EPHB1: variants seen among roughly 807,000 people sequenced by gnomAD.
EPHB1 encodes ephrin type-B receptor 1.
A neutral mutation model predicts 94.4 loss-of-function variants in EPHB1; 30 were observed. That is an observed-to-expected ratio of 0.32 (90% CI 0.24 to 0.43). The LOEUF (loss-of-function observed/expected upper bound fraction) is 0.43. Among genes scored for constraint, EPHB1 ranks in the 20% least tolerant of loss-of-function variants. The pLI, the probability that EPHB1 is intolerant of heterozygous loss-of-function variation, is 1.00. For missense variants in EPHB1, 1,055 were observed against 1,308.3 expected, an observed-to-expected ratio of 0.81 and a Z score of 2.99; for synonymous variants, 522 against 489.1, an observed-to-expected ratio of 1.07 and a Z score of -0.89.
chr3:135,157,510 A>G (rs1941388523), intron 6 of EPHB1, among the ~76,000 whole-genome samples: 2 of 152,260 alleles, frequency 1.3e-5, no homozygotes, highest in African/African-American at 2.4e-5. Context: ...TGTACTAATT[A>G]TTAACAGACA....
chr3:134,922,969 G>C (rs2038717964), intron 1 of EPHB1, among the ~76,000 whole-genome samples: 1 of 152,196 alleles, frequency 6.6e-6, no homozygotes, highest in Non-Finnish European at 1.5e-5. Context: ...ATGGAGATGA[G>C]TTTCTACAGA....
chr3:135,165,989 G>A lies in EPHB1; in HGVS notation c.1607G>A (p.Arg536Lys). The A allele has an allele frequency of 6.2e-7, 1 of 1,613,946 alleles. No homozygotes were observed. The highest frequency in any genetic ancestry group is 8.5e-7 in the Non-Finnish European group (1 of 1,179,850). ...CTAGATGATTACAAGTCAGAGCTGA[G>A]GGAGCAGCTGCCCCTGATTGCTGGC... ...LTDDDYKSEL[R>K]EQLPLIAGSA... Residue 536 changes from arginine (R) to lysine (K), a missense_variant, in exon 8 of 16, where the codon AGG becomes AAG. Physicochemically the swap from Arg to Lys is conservative, Grantham distance 26. Transcript: ENST00000398015.
Position 135,166,982 on chromosome 3 carries a change from C to T in EPHB1, c.1735C>T (p.Leu579Phe). The T allele has an allele frequency of 6.2e-7, 1 of 1,614,162 alleles. No individual in the cohort carries two copies. Among genetic ancestry groups the T allele is most frequent in the South Asian group, 1.1e-5 (1 of 91,062 alleles). Reference sequence around the variant, plus strand: ...CAAAGAGGCTGTGTACAGCGATAAGCTCCAGCATTACAGCACAGGCCGAGG... The same window carrying T: ...CAAAGAGGCTGTGTACAGCGATAAGTTCCAGCATTACAGCACAGGCCGAGG... The part of the protein sequence containing the change: ...YSKEAVYSDK[L>F]QHYSTGRGSP... The change falls in exon 9 of 16, where the codon CTC becomes TTC. Residue 579 changes from leucine (L) to phenylalanine (F), a missense_variant. Leu to Phe is a conservative substitution (Grantham distance 22). Coordinates refer to ENST00000398015, the MANE Select transcript of EPHB1 (RefSeq NM_004441.5).
chr3:134,932,406 C>T (rs1363144924), intron 2 of EPHB1, among the ~76,000 whole-genome samples: 1 of 152,154 alleles, frequency 6.6e-6, no homozygotes, highest in Non-Finnish European at 1.5e-5. Flanking sequence ...GGAGAGAAAC[C>T]CACTCTAATA....
In EPHB1 at chr3:135,162,104, G is replaced by A. The variant is rs2107698235; in HGVS notation, c.1509G>A (p.Val503=). 6.2e-7 allele frequency: 1 copy of A among 1,613,466 alleles called. No homozygotes were observed. Among genetic ancestry groups the A allele is most frequent in the Non-Finnish European group, 8.5e-7 (1 of 1,179,612 alleles). Residue 503 remains valine, a synonymous_variant, in exon 7 of 16, where the codon GTG becomes GTA. Coordinates refer to ENST00000398015, the MANE Select transcript of EPHB1 (RefSeq NM_004441.5). ...IDGLRPGMVY[V]VQVRARTVAG... is the part of the protein sequence containing the mutation. The stretch of plus-strand genomic sequence containing the variant: ...GGCTGCGGCCTGGCATGGTATATGT[G>A]GTACAGGTGCGTGCCCGCACTGTTG...
At chr3:134,797,052 G>A (rs1165810399) in intron 1 of EPHB1, among the ~76,000 whole-genome samples, 5 of 152,178 alleles carry the variant, frequency 3.3e-5, no homozygotes, top group Non-Finnish European at 7.4e-5. Flanking sequence ...TTCCCTTTTG[G>A]CGAAGACCAC....
chr3:135,192,545 G>C, intron 10 of EPHB1, 31 bp from the exon 11 acceptor site: 1 of 1,608,058 alleles, frequency 6.2e-7, no homozygotes, highest in Non-Finnish European at 8.5e-7. Flanking sequence ...TGAGAAGGAA[G>C]AGGATATTAA....
intron 3 of EPHB1, among the ~76,000 whole-genome samples, chr3:135,035,888 G>A (rs1362556332): frequency 1.4e-5 from 2 of 142,878 alleles, no homozygotes; most frequent in African/African-American, 2.4e-5. Context: ...GGTCCATAGG[G>A]TAGTTGGCTC....
chr3:134,825,367 G>C (rs959369644), intron 1 of EPHB1, among the ~76,000 whole-genome samples: 7 of 152,236 alleles, frequency 4.6e-5, no homozygotes, highest in Non-Finnish European at 8.8e-5. Flanking sequence ...TAAGTGTGCA[G>C]AACTGTTCAT....
chr3:135,171,154 C>T (rs1342235755), intron 9 of EPHB1, among the ~76,000 whole-genome samples: 1 of 151,902 alleles, frequency 6.6e-6, no homozygotes, highest in Non-Finnish European at 1.5e-5. Context: ...ACTGGGAACC[C>T]CCAAAGTTTC....
chr3:134,809,189 G>T (rs902940451), intron 1 of EPHB1, among the ~76,000 whole-genome samples: 7 of 152,168 alleles, frequency 4.6e-5, no homozygotes, highest in Admixed American at 1.3e-4. Flanking sequence ...TAAGATGGCA[G>T]ATCTTCAAAG....
At chr3:135,200,288 G>A (rs779169996) in intron 11 of EPHB1, among the ~76,000 whole-genome samples, 43 of 152,176 alleles carry the variant, frequency 2.8e-4, no homozygotes, top group Admixed American at 1.4e-3. Flanking sequence ...AGAGTCTGTT[G>A]TCTAACCAGA....
intron 12 of EPHB1, among the ~76,000 whole-genome samples, chr3:135,230,445 C>A (rs2107723904): frequency 6.6e-6 from 1 of 152,226 alleles, no homozygotes; most frequent in African/African-American, 2.4e-5. Flanking sequence ...TGGGGTGAGT[C>A]CAGTTGCTCT....
chr3:134,867,479 G>T lies in EPHB1; in HGVS notation c.59-58337G>T, dbSNP rs140468683. Among the ~76,000 whole-genome samples the T allele has an allele frequency of 3.3e-3, 501 of 152,224 alleles. 2 individuals carry two copies. The highest frequency in any genetic ancestry group is 0.011 in the African/African-American group (461 of 41,532). ...GGAGCTGGGCAGGGGCCAAGTAGGA[G>T]GCTGCTCCAGTGAGCAGCCCAAGGG... On this transcript the variant is annotated intron_variant, in intron 1 of 15. Coordinates refer to ENST00000398015, the MANE Select transcript of EPHB1 (RefSeq NM_004441.5).
At chr3:134,893,986 G>T (rs1054084306) in intron 1 of EPHB1, among the ~76,000 whole-genome samples, 1 of 152,204 alleles carries the variant, frequency 6.6e-6, no homozygotes, top group African/African-American at 2.4e-5. Flanking sequence ...CCTAAGGAGC[G>T]CTCTTAAATT....
chr3:135,131,774 G>A (rs1021058452), intron 4 of EPHB1, among the ~76,000 whole-genome samples: 4 of 152,316 alleles, frequency 2.6e-5, no homozygotes, highest in East Asian at 1.9e-4. Context: ...GCTTTCCAGA[G>A]GAAAGAGGCT....
intron 13 of EPHB1, 41 bp from the exon 14 acceptor site, chr3:135,248,275 G>C: frequency 6.8e-7 from 1 of 1,477,884 alleles, no homozygotes; most frequent in Middle Eastern, 2.1e-4. Context: ...CTGGCTGGTG[G>C]CAGTCACTCA....
intron 1 of EPHB1, among the ~76,000 whole-genome samples, chr3:134,859,118 CT>C (rs1197617959): frequency 6.6e-6 from 1 of 152,174 alleles, no homozygotes; most frequent in African/African-American, 2.4e-5. Flanking sequence ...GGAAAAACAC[CT>C]TGGACTTCTC....
At chr3:135,067,403 T>A (rs924766731) in intron 3 of EPHB1, 1 of 152,098 alleles carries the variant, frequency 6.6e-6, no homozygotes, top group African/African-American at 2.4e-5. Flanking sequence ...GATTTTCAGG[T>A]TAATGGAGTT....
Sources: allele counts gnomAD v4.1 joint callset (sites outside exome capture counted in the v4.1 genomes callset), GRCh38; gene constraint gnomAD v4.1.1; transcripts MANE v1.5; gene names NCBI Gene and HGNC (gene_info 2026-07-23, HGNC 2026-07-21).